The following CLASP1 variants were observed in gnomAD, a reference collection of about 807,000 sequenced individuals.
CLASP1 encodes cytoplasmic linker associated protein 1, also known as CLIP-associating protein 1.
In CLASP1, 38 loss-of-function variants were observed where a neutral mutation model predicts 192.3. That is an observed-to-expected ratio of 0.20 (90% CI 0.15 to 0.26). The LOEUF (loss-of-function observed/expected upper bound fraction) is 0.26, where lower values mean the gene tolerates loss of function less well. Ranked by LOEUF, CLASP1 falls within the 10% of genes least tolerant of loss-of-function variation. The probability of loss-of-function intolerance (pLI) is 1.00; values close to 1 mark genes in which losing one functional copy is unlikely to be tolerated. For synonymous variants in CLASP1, 691 were observed against 712.8 expected (o/e 0.97, Z 0.49); for missense variants, 1,433 against 1,932.5 (o/e 0.74, Z 4.85).
chr2:121,428,026 T>C (rs1004795130), intron 20 of CLASP1, among the ~76,000 whole-genome samples: 30 of 152,358 alleles, frequency 2.0e-4, no homozygotes, highest in Admixed American at 9.1e-4. Flanking sequence ...GCTTAAGGTA[T>C]AGGCTTGATC....
chr2:121,498,201 CTTTTTTT>C lies in CLASP1; in HGVS notation c.712+4959_712+4965del, dbSNP rs70954551. The stretch of plus-strand genomic sequence containing the variant: ...ACTGTGGTAAAATAGGTAATAGTTT[CTTTTTTT>C]TTTTTTTTTTTCTGAGACGGAGTCT... On this transcript the variant is annotated intron_variant, in intron 8 of 39. Transcript: ENST00000263710. 1.4e-3 allele frequency among the ~76,000 whole-genome samples: 168 copies of C among 119,092 alleles called. 3 individuals carry two copies. Among genetic ancestry groups the C allele is most frequent in the Non-Finnish European group, 2.8e-4 (17 of 59,912 alleles). The allele number at this position is 119,092 out of a possible 152,430, so 78.1% of individuals were successfully genotyped here.
chr2:121,462,644 C>T (rs1166138832), intron 9 of CLASP1, 39 bp from the exon 10 acceptor site: 1 of 1,230,592 alleles, frequency 8.1e-7, no homozygotes, highest in Non-Finnish European at 1.2e-6. Flanking sequence ...CAATATGAAA[C>T]AACGTCTATA....
chr2:121,575,525 G>A (rs1375437406), intron 2 of CLASP1, among the ~76,000 whole-genome samples: 1 of 152,046 alleles, frequency 6.6e-6, no homozygotes, highest in African/African-American at 2.4e-5. Flanking sequence ...AAAGTAAAAG[G>A]GAGAAAGTAA....
intron 2 of CLASP1, among the ~76,000 whole-genome samples, chr2:121,550,742 G>A (rs991556623): frequency 2.6e-5 from 4 of 151,888 alleles, no homozygotes; most frequent in Non-Finnish European, 2.9e-5. Flanking sequence ...AACTGAATTC[G>A]TAATAAAAAG....
chr2:121,493,464 G>T (rs1266577083), intron 8 of CLASP1, among the ~76,000 whole-genome samples: 1 of 152,096 alleles, frequency 6.6e-6, no homozygotes, highest in Non-Finnish European at 1.5e-5. Flanking sequence ...AATAAAACTG[G>T]ACCCCCATAT....
chr2:121,505,992 C>A (rs953944043), intron 7 of CLASP1, among the ~76,000 whole-genome samples: 12 of 151,978 alleles, frequency 7.9e-5, no homozygotes, highest in African/African-American at 2.4e-4. Flanking sequence ...ACTTAAAAAT[C>A]CAAACTTGGA....
chr2:121,526,864 T>C lies in CLASP1; in HGVS notation c.470+935A>G, dbSNP rs1261602595. 2.0e-5 allele frequency among the ~76,000 whole-genome samples: 3 copies of C among 152,106 alleles called. No individual in the cohort carries two copies. The East Asian group carries it at 5.8e-4, about 29-fold the overall frequency. Reference sequence around the variant, plus strand: ...TTTATAATTTTTAAAAAGCCTCTCCTACAAATAAGCACATGAAAAAAATGT... The same window carrying C: ...TTTATAATTTTTAAAAAGCCTCTCCCACAAATAAGCACATGAAAAAAATGT... On this transcript the variant is annotated intron_variant, in intron 5 of 39. Coordinates refer to ENST00000263710, the Ensembl canonical transcript of CLASP1.
intron 2 of CLASP1, among the ~76,000 whole-genome samples, chr2:121,576,789 C>T (rs750327107): frequency 1.3e-5 from 2 of 152,200 alleles, no homozygotes; most frequent in African/African-American, 2.4e-5. Context: ...AGCAGTCAAA[C>T]TACCTTTCCT....
At position 121,643,030 on chromosome 2, in the gene CLASP1, G is replaced by C. The variant is rs146344586; in HGVS notation, c.-286+6342C>G. On this transcript the variant is annotated intron_variant, in intron 1 of 39. Transcript: ENST00000263710. ...TAAATATATTTAACTGATTCTGCCTGGAGAGTTAATTGGACAGTAGTGAGG... is the reference window on the plus strand; with the variant it reads ...TAAATATATTTAACTGATTCTGCCTCGAGAGTTAATTGGACAGTAGTGAGG... Among the ~76,000 whole-genome samples the C allele has an allele frequency of 1.8e-3, 270 of 152,244 alleles. 1 individual carries two copies. The highest frequency in any genetic ancestry group is 2.5e-3 in the Non-Finnish European group (172 of 68,016).
intron 10 of CLASP1, 23 bp from the exon 11 acceptor site, chr2:121,461,216 A>G: frequency 1.5e-6 from 2 of 1,331,842 alleles, no homozygotes; most frequent in Non-Finnish European, 2.1e-6. Context: ...TTAATTTACA[A>G]TCAATATAAA....
intron 19 of CLASP1, 144 bp from the exon 20 acceptor site, chr2:121,430,321 G>A (rs2081167399): frequency 3.2e-6 from 2 of 626,462 alleles, no homozygotes; most frequent in Non-Finnish European, 5.6e-6. Context: ...TCCTCCACAC[G>A]AGGTCTGCCA....
At chr2:121,611,377 T>G (rs1259782981) in intron 1 of CLASP1, among the ~76,000 whole-genome samples, 3 of 101,624 alleles carry the variant, frequency 3.0e-5, no homozygotes, top group Non-Finnish European at 3.9e-5. Flanking sequence ...GTTGGAGGAG[T>G]TACAGGAGAA....
At chr2:121,530,892 CTTGGGGT>C (rs919153702) in intron 2 of CLASP1, 1 of 693,696 alleles carries the variant, frequency 1.4e-6, no homozygotes, top group African/African-American at 1.8e-5. Flanking sequence ...CCATCCTTTT[CTTGGGGT>C]TGCGCTACTG....
At chr2:121,545,806 C>T (rs901392790) in intron 2 of CLASP1, among the ~76,000 whole-genome samples, 4 of 151,686 alleles carry the variant, frequency 2.6e-5, no homozygotes, top group African/African-American at 4.9e-5. Flanking sequence ...CAAACTGTTA[C>T]CCAATTGATC....
At chr2:121,524,459 CTT>C (rs869053129) in intron 6 of CLASP1, among the ~76,000 whole-genome samples, 13 of 141,878 alleles carry the variant, frequency 9.2e-5, no homozygotes, top group African/African-American at 1.3e-4. Context: ...ATATATTTTC[CTT>C]TTTTTTTTTT....
chr2:121,349,876 G>A (rs1398162012), intron 37 of CLASP1, among the ~76,000 whole-genome samples: 1 of 152,136 alleles, frequency 6.6e-6, no homozygotes, highest in African/African-American at 2.4e-5. Context: ...AAAGAGCCTC[G>A]GCCTTGGGCT....
At position 121,469,650 on chromosome 2, in the gene CLASP1, G is replaced by A. The variant is rs2090313020; in HGVS notation, c.865+158C>T. ...ACAACTTACCAGCTTATCAGCATCA[G>A]TATCGCAATGCTAATTCAATTAAAG... On this transcript the variant is annotated intron_variant, in intron 9 of 39. Coordinates refer to ENST00000263710, the Ensembl canonical transcript of CLASP1. 2.0e-5 allele frequency among the ~76,000 whole-genome samples: 3 copies of A among 152,170 alleles called. No individual in the cohort carries two copies. In the South Asian group the frequency reaches 6.2e-4, roughly 32 times the overall value.
chr2:121,530,452 C>G lies in CLASP1; in HGVS notation c.196-127G>C, dbSNP rs539816266. 42 of 648,036 alleles carry G rather than the reference C, an allele frequency of 6.5e-5. No individual in the cohort carries two copies. In the Admixed American group the frequency reaches 7.3e-4, roughly 11 times the overall value. The allele number at this position is 648,036 out of a possible 1,614,324, so 40.1% of individuals were successfully genotyped here. A position where few individuals can be genotyped will look rare whatever the true frequency, so the allele number is the denominator to read the frequency against. Reference sequence around the variant, plus strand: ...GTCCGAGAGTCCAGACGCATGCCGACTGGAGGACCAAAGAGATTAGCACGA... The same window carrying G: ...GTCCGAGAGTCCAGACGCATGCCGAGTGGAGGACCAAAGAGATTAGCACGA... On this transcript the variant is annotated intron_variant, in intron 2 of 39. Transcript: ENST00000263710.
intron 1 of CLASP1, among the ~76,000 whole-genome samples, chr2:121,608,972 T>C (rs2064826806): frequency 6.6e-6 from 1 of 152,252 alleles, no homozygotes; most frequent in African/African-American, 2.4e-5. Flanking sequence ...ATTCTTCAAC[T>C]CTATAAAGTA....
Sources: gnomAD v4.1 joint callset for allele counts (sites outside exome capture counted in the v4.1 genomes callset) on GRCh38, gnomAD v4.1.1 for gene constraint, MANE v1.5 for transcripts, NCBI Gene and HGNC (gene_info 2026-07-23, HGNC 2026-07-21) for gene names.